Variants in SKAP2 observed in about 807,000 individuals in gnomAD.
SKAP2 encodes src kinase associated phosphoprotein 2.
A neutral mutation model predicts 54.9 loss-of-function variants in SKAP2; 28 were observed. The observed-to-expected ratio is 0.51, with a 90% CI of 0.38 to 0.70. SKAP2 has a LOEUF of 0.70. Among genes scored for constraint, SKAP2 ranks in the 30% least tolerant of loss-of-function variants. SKAP2 has a pLI of 0.00. For missense variants in SKAP2, 356 were observed against 424.1 expected (o/e 0.84, Z 1.41); for synonymous variants, 137 against 134.3 (o/e 1.02, Z -0.14).
intron 6 of SKAP2, among the ~76,000 whole-genome samples, chr7:26,728,809 A>C (rs1787763039): frequency 6.6e-6 from 1 of 152,176 alleles, no homozygotes; most frequent in Non-Finnish European, 1.5e-5. Flanking sequence ...TAAACTCTCC[A>C]GAAGAAAGAG....
chr7:26,774,409 T>C (rs765478471), intron 4 of SKAP2, among the ~76,000 whole-genome samples: 3 of 151,730 alleles, frequency 2.0e-5, no homozygotes, highest in Admixed American at 1.3e-4. Context: ...CCACATAATA[T>C]GCAAAAGGCA....
In SKAP2 at chr7:26,815,595, G is replaced by GA. The variant is rs527629601; in HGVS notation, c.307+28434dup. Among the ~76,000 whole-genome samples, 269 of 152,200 alleles carry GA rather than the reference G, an allele frequency of 1.8e-3. 1 individual carries two copies. The highest frequency in any genetic ancestry group is 6.2e-3 in the African/African-American group (259 of 41,548). ...GCCAAGGAGCCAGATGGTACTGCTG[G>GA]AAAAAATTAAGTCTACAGATTGGCA... is the stretch of plus-strand genomic sequence containing the variant. On this transcript the variant is annotated intron_variant, in intron 4 of 12. Coordinates refer to ENST00000345317, the MANE Select transcript of SKAP2 (RefSeq NM_003930.5).
chr7:26,746,110 G>C (rs925493565), intron 4 of SKAP2, among the ~76,000 whole-genome samples: 2 of 152,072 alleles, frequency 1.3e-5, no homozygotes, highest in African/African-American at 4.8e-5. Context: ...TTTCTGTTTT[G>C]CTTCCACTAT....
At position 26,684,772 on chromosome 7, in the gene SKAP2, T is replaced by A. The variant is rs1786591975; in HGVS notation, c.951A>T (p.Ser317=). The A allele has an allele frequency of 1.9e-6, 3 of 1,612,686 alleles. No individual in the cohort carries two copies. In the East Asian group the frequency reaches 6.7e-5, roughly 36 times the overall value. The change falls in exon 11 of 13, where the codon TCA becomes TCT. Residue 317 remains serine (S), a synonymous_variant. Transcript: ENST00000345317. ...TGTAAATCACATCACCACGCTTAAA[T>A]GACAACTCATCAGAAAAAGCTCCAG... is the stretch of plus-strand genomic sequence containing the variant. ...DCTGAFSDEL[S]FKRGDVIYIL...
chr7:26,734,776 T>C (rs1787889190), intron 6 of SKAP2, among the ~76,000 whole-genome samples: 2 of 152,154 alleles, frequency 1.3e-5, no homozygotes, highest in South Asian at 4.1e-4. Flanking sequence ...TAGCCTTTTT[T>C]ATAGAGACAT....
intron 11 of SKAP2, among the ~76,000 whole-genome samples, chr7:26,675,485 AC>A (rs1786331139): frequency 2.0e-5 from 3 of 152,180 alleles, no homozygotes; most frequent in Non-Finnish European, 4.4e-5. Flanking sequence ...TATTCCTTCA[AC>A]TAAAATAAAG....
chr7:26,855,426 T>C (rs1265194644), intron 1 of SKAP2, among the ~76,000 whole-genome samples: 2 of 152,074 alleles, frequency 1.3e-5, no homozygotes, highest in Admixed American at 6.5e-5. Context: ...CTAGCCAAGA[T>C]TCCCAAATCA....
At chr7:26,713,724 C>T (rs1420872649) in intron 9 of SKAP2, among the ~76,000 whole-genome samples, 4 of 151,962 alleles carry the variant, frequency 2.6e-5, no homozygotes, top group African/African-American at 7.2e-5. Flanking sequence ...CTCAGCCTCC[C>T]GAGTAGCTGG....
chr7:26,814,863 ATTAT>A (rs1323976674), intron 4 of SKAP2, among the ~76,000 whole-genome samples: 1 of 152,152 alleles, frequency 6.6e-6, no homozygotes, highest in Non-Finnish European at 1.5e-5. Context: ...GTTTAAAAAA[ATTAT>A]TTATTTTTGT....
chr7:26,743,299 A>C (rs957855736), intron 4 of SKAP2, among the ~76,000 whole-genome samples: 11 of 152,242 alleles, frequency 7.2e-5, no homozygotes, highest in Non-Finnish European at 1.0e-4. Flanking sequence ...ATATTGTTAT[A>C]TGTTACTATA....
chr7:26,717,388 T>C (rs1022522430), intron 9 of SKAP2, among the ~76,000 whole-genome samples: 5 of 151,178 alleles, frequency 3.3e-5, no homozygotes, highest in Admixed American at 1.3e-4. Context: ...CATGCACCTG[T>C]AGTTCCAGCT....
chr7:26,854,116 T>A (rs1385392609), intron 3 of SKAP2, 21 bp downstream of exon 3: 1 of 1,561,382 alleles, frequency 6.4e-7, no homozygotes, highest in South Asian at 1.2e-5. Flanking sequence ...ATTTTCAAGT[T>A]TGCCAAACAT....
At chr7:26,806,145 C>T (rs1453017447) in intron 4 of SKAP2, among the ~76,000 whole-genome samples, 1 of 152,162 alleles carries the variant, frequency 6.6e-6, no homozygotes, top group Non-Finnish European at 1.5e-5. Flanking sequence ...TTCCCCTTGT[C>T]TCTCTCCCTC....
chr7:26,856,808 C>T (rs1348783497), intron 1 of SKAP2, among the ~76,000 whole-genome samples: 1 of 152,050 alleles, frequency 6.6e-6, no homozygotes, highest in Non-Finnish European at 1.5e-5. Context: ...CAATGTTTGC[C>T]TTTGATTTCC....
At chr7:26,801,494 G>A (rs758425622) in intron 4 of SKAP2, among the ~76,000 whole-genome samples, 2 of 152,108 alleles carry the variant, frequency 1.3e-5, no homozygotes, top group Non-Finnish European at 1.5e-5. Flanking sequence ...CACAGTACTG[G>A]AAGTCCTAGC....
intron 3 of SKAP2, among the ~76,000 whole-genome samples, chr7:26,852,079 A>T (rs1484709176): frequency 6.6e-6 from 1 of 152,154 alleles, no homozygotes. Flanking sequence ...GACTAGAGAG[A>T]GAGACAAGAG....
rs929518863 is a variant in SKAP2, at chr7:26,791,323, C to T, written c.308-51359G>A. On this transcript the variant is annotated intron_variant, in intron 4 of 12. Coordinates refer to ENST00000345317, the MANE Select transcript of SKAP2 (RefSeq NM_003930.5). Reference sequence around the variant, plus strand: ...AGGCTGGAGTGCAGTGGTGTGATCACGGCTCACTGCTGGCTAATTTTTTCT... The same window carrying T: ...AGGCTGGAGTGCAGTGGTGTGATCATGGCTCACTGCTGGCTAATTTTTTCT... Among the ~76,000 whole-genome samples the T allele has an allele frequency of 3.9e-5, 6 of 152,054 alleles. No individual in the cohort carries two copies. In the East Asian group the frequency reaches 5.8e-4, roughly 15 times the overall value.
intron 6 of SKAP2, among the ~76,000 whole-genome samples, chr7:26,728,233 A>G (rs1448120097): frequency 6.6e-6 from 1 of 152,174 alleles, no homozygotes; most frequent in Non-Finnish European, 1.5e-5. Flanking sequence ...CAGTACTTTA[A>G]AGATTAGAGA....
Position 26,850,164 on chromosome 7 carries a change from T to C in SKAP2, c.199+3973A>G, listed in dbSNP as rs182411491. On this transcript the variant is annotated intron_variant, in intron 3 of 12. Coordinates refer to ENST00000345317, the MANE Select transcript of SKAP2 (RefSeq NM_003930.5). ...AACTAAGAGACCTATGACCTTGTTA[T>C]GTGATAGAGAACAATGCTGAAATAA... Among the ~76,000 whole-genome samples, 615 of 152,332 alleles carry C rather than the reference T, an allele frequency of 4.0e-3. 2 individuals carry two copies. The highest frequency in any genetic ancestry group is 5.8e-3 in the Non-Finnish European group (397 of 68,030).
Sources: allele counts gnomAD v4.1 joint callset (sites outside exome capture counted in the v4.1 genomes callset), GRCh38; gene constraint gnomAD v4.1.1; transcripts MANE v1.5; gene names NCBI Gene and HGNC (gene_info 2026-07-23, HGNC 2026-07-21).